ZNF644: variants seen among roughly 807,000 people sequenced by gnomAD.
ZNF644 encodes zinc finger motif enhancer binding protein 2.
Under a neutral mutation model 108.0 loss-of-function variants are expected in ZNF644, and 20 were observed. The ratio of observed to expected loss-of-function variants is 0.19; its 90% CI spans 0.13 to 0.27. ZNF644 has a LOEUF of 0.27. ZNF644 is among the 10% of genes least tolerant of loss of function. The pLI is 1.00. For synonymous variants in ZNF644, 542 were observed against 539.1 expected (o/e 1.01, Z -0.08); for missense variants, 1,338 against 1,548.9 (o/e 0.86, Z 2.29).
chr1:91,008,747 G>A (rs1507347), intron 1 of ZNF644, among the ~76,000 whole-genome samples: 1,932 of 152,222 alleles, frequency 0.013, 39 homozygotes, highest in African/African-American at 0.044. Flanking sequence ...ATACCTCCCG[G>A]TTTTACCACA....
In ZNF644 at chr1:91,006,559, C is replaced by A. The variant is rs537923862; in HGVS notation, c.-18+15431G>T. ...CTATAAGGCCAATATTGCCCTCATA[C>A]CAAAATCTGACAAAGTTATCCCAAG... On this transcript the variant is annotated intron_variant, in intron 1 of 5. Transcript: ENST00000337393. 2.6e-5 allele frequency among the ~76,000 whole-genome samples: 4 copies of A among 152,292 alleles called. No homozygotes were observed. In the East Asian group the frequency reaches 7.7e-4, roughly 29 times the overall value.
At chr1:90,928,847 C>T (rs1557551248) in intron 4 of ZNF644, among the ~76,000 whole-genome samples, 1 of 152,152 alleles carries the variant, frequency 6.6e-6, no homozygotes, top group Non-Finnish European at 1.5e-5. Context: ...TTCATCTCGT[C>T]TTCCTAAAAC....
At chr1:91,007,868 T>A (rs1659600677) in intron 1 of ZNF644, among the ~76,000 whole-genome samples, 1 of 152,198 alleles carries the variant, frequency 6.6e-6, no homozygotes, top group Non-Finnish European at 1.5e-5. Flanking sequence ...TATCCTCAAA[T>A]GTTTGGTGAT....
chr1:90,917,426 AACTC>A (rs1354774830), intron 5 of ZNF644, among the ~76,000 whole-genome samples: 2 of 152,196 alleles, frequency 1.3e-5, no homozygotes, highest in East Asian at 3.9e-4. Context: ...AATAAGCGAG[AACTC>A]AAGACAACAA....
At chr1:91,013,156 C>T (rs1007599653) in intron 1 of ZNF644, among the ~76,000 whole-genome samples, 1 of 152,092 alleles carries the variant, frequency 6.6e-6, no homozygotes, top group African/African-American at 2.4e-5. Flanking sequence ...TTACTGCAAC[C>T]TCCGCCTCTC....
At chr1:90,986,323 AAAAAAC>A in intron 1 of ZNF644, among the ~76,000 whole-genome samples, 1 of 148,136 alleles carries the variant, frequency 6.8e-6, no homozygotes, top group South Asian at 2.2e-4. Flanking sequence ...AAGAAAAAAC[AAAAAAC>A]AAAAAAAAAA....
intron 5 of ZNF644, 85 bp downstream of exon 5, chr1:90,917,967 A>T (rs1286090668): frequency 8.5e-7 from 1 of 1,182,704 alleles, no homozygotes; most frequent in Admixed American, 1.8e-5. Flanking sequence ...CTCTGCCACA[A>T]ATTAAAAATC....
At position 91,009,739 on chromosome 1, in the gene ZNF644, T is replaced by C. The variant is rs556743853; in HGVS notation, c.-18+12251A>G. Among the ~76,000 whole-genome samples the C allele has an allele frequency of 7.9e-5, 12 of 152,284 alleles. No individual in the cohort carries two copies. In the East Asian group the frequency reaches 2.3e-3, roughly 29 times the overall value. ...AAACACCATTATAGCATAACTTTAT[T>C]GGTTTTCAAAGTAAACTTAACAGAA... On this transcript the variant is annotated intron_variant, in intron 1 of 5. Transcript: ENST00000337393.
intron 2 of ZNF644, among the ~76,000 whole-genome samples, chr1:90,953,957 T>C (rs953368169): frequency 2.6e-5 from 4 of 152,086 alleles, no homozygotes; most frequent in East Asian, 1.9e-4. Flanking sequence ...TAAAATACTT[T>C]ATTGCTTTAA....
chr1:90,950,111 C>G (rs1293221452), intron 2 of ZNF644, among the ~76,000 whole-genome samples: 1 of 151,086 alleles, frequency 6.6e-6, no homozygotes, highest in Non-Finnish European at 1.5e-5. Context: ...AACCCCGTCT[C>G]TACTAAAATA....
intron 2 of ZNF644, among the ~76,000 whole-genome samples, 153 bp downstream of exon 2, chr1:90,982,157 G>C (rs780904614): frequency 3.9e-5 from 6 of 152,050 alleles, no homozygotes; most frequent in Non-Finnish European, 8.8e-5. Context: ...CAAATCAACT[G>C]GACCAAGTGT....
At chr1:90,942,872 G>C (rs976335815) in intron 2 of ZNF644, among the ~76,000 whole-genome samples, 4 of 152,066 alleles carry the variant, frequency 2.6e-5, no homozygotes, top group Non-Finnish European at 5.9e-5. Context: ...TATTTCCTAA[G>C]CACTTAGTAG....
intron 1 of ZNF644, among the ~76,000 whole-genome samples, chr1:90,984,301 G>C (rs894651403): frequency 6.6e-6 from 1 of 152,148 alleles, no homozygotes; most frequent in African/African-American, 2.4e-5. Flanking sequence ...GAACTGCATT[G>C]GTCTGCTAGG....
intron 1 of ZNF644, among the ~76,000 whole-genome samples, chr1:91,019,102 T>G (rs1347047298): frequency 6.6e-6 from 1 of 152,234 alleles, no homozygotes; most frequent in Non-Finnish European, 1.5e-5. Flanking sequence ...TTTAACTTTT[T>G]GCTAAATCTG....
At chr1:90,998,226 C>A (rs1304927818) in intron 1 of ZNF644, among the ~76,000 whole-genome samples, 2 of 152,198 alleles carry the variant, frequency 1.3e-5, no homozygotes, top group Non-Finnish European at 2.9e-5. Context: ...AGTCTGAGAT[C>A]TGAGAATGGA....
At chr1:91,003,116 A>C (rs1659049851) in intron 1 of ZNF644, among the ~76,000 whole-genome samples, 1 of 152,254 alleles carries the variant, frequency 6.6e-6, no homozygotes, top group South Asian at 2.1e-4. Flanking sequence ...TGTGGAAGAC[A>C]GCGTGGTGAT....
intron 4 of ZNF644, among the ~76,000 whole-genome samples, chr1:90,926,213 C>T (rs982174002): frequency 1.3e-5 from 2 of 152,158 alleles, no homozygotes. Flanking sequence ...TGCCTATGAA[C>T]TCTGTTTCAC....
chr1:90,996,444 C>CTT (rs957159772), intron 1 of ZNF644, among the ~76,000 whole-genome samples: 9 of 152,156 alleles, frequency 5.9e-5, no homozygotes, highest in Non-Finnish European at 1.2e-4. Context: ...TTTAAGGCAT[C>CTT]TTATCTTGCC....
At position 91,003,327 on chromosome 1, in the gene ZNF644, T is replaced by C. The variant is rs1418155960; in HGVS notation, c.-18+18663A>G. Among the ~76,000 whole-genome samples the C allele has an allele frequency of 2.6e-5, 4 of 152,196 alleles. No homozygotes were observed. In the East Asian group the frequency reaches 5.8e-4, roughly 22 times the overall value. On this transcript the variant is annotated intron_variant, in intron 1 of 5. Transcript: ENST00000337393. ...CTGGATTAAGAAAATGTGGCACATA[T>C]ATACCATGGAATACTATGCAGCCAT...
Sources: allele counts gnomAD v4.1 joint callset (sites outside exome capture counted in the v4.1 genomes callset), GRCh38; gene constraint gnomAD v4.1.1; transcripts MANE v1.5; gene names NCBI Gene and HGNC (gene_info 2026-07-23, HGNC 2026-07-21).